TCF23: variants seen among roughly 807,000 people sequenced by gnomAD.
The protein encoded by TCF23 is class A basic helix-loop-helix protein 24.
A neutral mutation model predicts 13.0 loss-of-function variants in TCF23; 7 were observed. The ratio of observed to expected loss-of-function variants is 0.54; its 90% CI spans 0.31 to 1.01. The LOEUF is 1.01. TCF23 is among the 50% of genes least tolerant of loss of function. The probability of loss-of-function intolerance (pLI) is 0.06; values close to 1 mark genes in which losing one functional copy is unlikely to be tolerated. For synonymous variants in TCF23, 122 were observed against 119.5 expected (o/e 1.02, Z -0.14); for missense variants, 257 against 289.8 (o/e 0.89, Z 0.82).
In TCF23 at chr2:27,149,999, G is replaced by A. The variant is rs1013138483; in HGVS notation, c.223-124G>A. 7 of 1,462,426 alleles carry A rather than the reference G, an allele frequency of 4.8e-6. No homozygotes were observed. In the African/African-American group the frequency reaches 9.8e-5, roughly 20 times the overall value. 90.6% of individuals were successfully genotyped at this position (1,462,426 alleles called of 1,614,324 possible). On this transcript the variant is annotated intron_variant, in intron 1 of 2. Transcript: ENST00000296096. ...CTGCAGATGACGTAGGTGGGCAGAG[G>A]CCCTCTGGTGCCTACTGCTAGACAC...
Position 27,150,810 on chromosome 2 carries a change from C to T in TCF23, c.465+445C>T, listed in dbSNP as rs1299603091. ...CCAGGAGAACAACGGTCTGAGGGAC[C>T]GTCATTCTAGAAGCAACCAAGCTGG... On this transcript the variant is annotated intron_variant, in intron 2 of 2. Coordinates refer to ENST00000296096, the MANE Select transcript of TCF23 (RefSeq NM_175769.3). The surrounding 1 kb of genome is among the most constrained non-coding windows in gnomAD (Gnocchi z 4.1). Among the ~76,000 whole-genome samples the T allele has an allele frequency of 2.6e-5, 4 of 152,216 alleles. No individual in the cohort carries two copies. In the East Asian group the frequency reaches 5.8e-4, roughly 22 times the overall value.
Position 27,149,903 on chromosome 2 carries a change from T to C in TCF23, c.223-220T>C, listed in dbSNP as rs533518946. The C allele has an allele frequency of 2.8e-5, 20 of 702,614 alleles. No individual in the cohort carries two copies. The East Asian group carries it at 5.4e-4, about 19-fold the overall frequency. The allele number at this position is 702,614 out of a possible 1,614,324, so 43.5% of individuals were successfully genotyped here. ...GGACTCTGGGTTCTGAGCCAAGCTC[T>C]GCCATCCTGCAGCCATCTGACCCCT... On this transcript the variant is annotated intron_variant, in intron 1 of 2. Coordinates refer to ENST00000296096, the MANE Select transcript of TCF23 (RefSeq NM_175769.3).
In TCF23 at chr2:27,149,075, C is replaced by T; in HGVS notation, c.-59C>T. ...CCAGCCACAGCCAGCTAGCTTGAGT[C>T]CAAGGCCTCCTCAGGCACTGTGTTT... On this transcript the variant is annotated 5_prime_UTR_variant, in exon 1 of 3. Transcript: ENST00000296096. 2.0e-6 allele frequency: 3 copies of T among 1,490,376 alleles called. No homozygotes were observed. Among genetic ancestry groups the T allele is most frequent in the Non-Finnish European group, 2.7e-6 (3 of 1,102,144 alleles). The allele number at this position is 1,490,376 out of a possible 1,614,324, so 92.3% of individuals were successfully genotyped here.
At chr2:27,149,477 C>G (rs1672726720) in intron 1 of TCF23, 122 bp downstream of exon 1, 4 of 971,764 alleles carry the variant, frequency 4.1e-6, no homozygotes, top group East Asian at 2.6e-5. Context: ...AGAGGGGACA[C>G]TGGCCCCTTA....
rs1672829541 is a variant in TCF23 at position 27,155,955 on chromosome 2, A to G, written c.*3088A>G. ...GATTGGGATGGAGGTGGAGGTGGGG[A>G]ACAAGACTTCCCTGCTGGCTCCCTC... On this transcript the variant is annotated 3_prime_UTR_variant, in exon 3 of 3. Coordinates refer to ENST00000296096, the MANE Select transcript of TCF23 (RefSeq NM_175769.3). 6.6e-6 allele frequency: 1 copy of G among 152,136 alleles called. No individual in the cohort carries two copies. The highest frequency in any genetic ancestry group is 6.6e-5 in the Admixed American group (1 of 15,238). 9.4% of individuals were successfully genotyped at this position (152,136 alleles called of 1,614,324 possible). A position where few individuals can be genotyped will look rare whatever the true frequency, so the allele number is the denominator to read the frequency against.
intron 2 of TCF23, among the ~76,000 whole-genome samples, chr2:27,151,141 G>A (rs1275509): frequency 0.51 from 78,079 of 151,770 alleles, 21,394 homozygotes; most frequent in East Asian, 0.68. Context: ...GGGAGGTTAT[G>A]AGGCTGAAAG....
chr2:27,149,047 T>A lies in TCF23; in HGVS notation c.-87T>A. ...TCGGATGTAGATATTGCTGGCTGGA[T>A]GACCAGCCACAGCCAGCTAGCTTGA... On this transcript the variant is annotated 5_prime_UTR_variant, in exon 1 of 3. It removes an upstream start codon present in the reference 5' UTR. Transcript: ENST00000296096. 7.8e-7 allele frequency: 1 copy of A among 1,278,084 alleles called. No individual in the cohort carries two copies. The highest frequency in any genetic ancestry group is 1.4e-5 in the South Asian group (1 of 69,536). 79.2% of individuals were successfully genotyped at this position (1,278,084 alleles called of 1,614,324 possible).
At position 27,149,370 on chromosome 2, in the gene TCF23, C is replaced by T. The variant is rs1381169143; in HGVS notation, c.222+15C>T. On this transcript the variant is annotated intron_variant, in intron 1 of 2. Coordinates refer to ENST00000296096, the MANE Select transcript of TCF23 (RefSeq NM_175769.3). ...CTCTTGGCAGGGTAAGGAAATCCTG[C>T]ACCTGCAGAGGGGTCCAGGGGAGGA... 11 of 1,562,180 alleles carry T rather than the reference C, an allele frequency of 7.0e-6. No homozygotes were observed. The Admixed American group carries it at 1.3e-4, about 19-fold the overall frequency.
chr2:27,149,496 G>A, intron 1 of TCF23, 141 bp downstream of exon 1: 3 of 813,260 alleles, frequency 3.7e-6, no homozygotes, highest in Non-Finnish European at 5.9e-6. Context: ...TAGACTCCAA[G>A]GCATCATGCT....
Position 27,150,125 on chromosome 2 carries a change from C to T in TCF23, c.225C>T (p.Ser75=), listed in dbSNP as rs777045932. Residue 75 remains serine, a splice_region_variant and synonymous_variant, in exon 2 of 3, where the codon AGC becomes AGT. Transcript: ENST00000296096. This position sits in a 1 kb window ranked among gnomAD's most constrained non-coding sequence, Gnocchi z 4.1. ...TRAGGLALGR[S]EASPENAARE... ...ACTCACTGGGGCCCTCTGTGCAGAG[C>T]GAGGCCAGTCCTGAGAATGCCGCGC... The T allele has an allele frequency of 9.4e-6, 15 of 1,600,950 alleles. No individual in the cohort carries two copies. The highest frequency in any genetic ancestry group is 4.4e-5 in the South Asian group (4 of 90,822).
chr2:27,152,600 G>C, intron 2 of TCF23, 88 bp from the exon 3 acceptor site: 2 of 1,502,012 alleles, frequency 1.3e-6, no homozygotes, highest in East Asian at 4.6e-5. Flanking sequence ...AGGGATGCTG[G>C]AGAAGGCTGG....
rs1396307252 is a variant in TCF23, at chr2:27,150,076, C to A, written c.223-47C>A. 3 of 1,569,060 alleles carry A rather than the reference C, an allele frequency of 1.9e-6. No individual in the cohort carries two copies. Among genetic ancestry groups the A allele is most frequent in the Non-Finnish European group, 1.7e-6 (2 of 1,159,572 alleles). On this transcript the variant is annotated intron_variant, in intron 1 of 2. Coordinates refer to ENST00000296096, the MANE Select transcript of TCF23 (RefSeq NM_175769.3). The surrounding 1 kb of genome is among the most constrained non-coding windows in gnomAD (Gnocchi z 4.1). ...GCTCAAACGCTCTCAGAAGTCAGGG[C>A]AGTTGGGAGTCCAGGTCACACACAC...
intron 2 of TCF23, among the ~76,000 whole-genome samples, chr2:27,151,810 C>CT (rs888889908): frequency 9.7e-4 from 138 of 142,510 alleles, no homozygotes; most frequent in Middle Eastern, 3.6e-3. Flanking sequence ...TTTTTTTTTT[C>CT]TTTTTTTTTT....
chr2:27,150,826 A>T lies in TCF23; in HGVS notation c.465+461A>T, dbSNP rs1672751176. 6.6e-6 allele frequency among the ~76,000 whole-genome samples: 1 copy of T among 152,126 alleles called. No individual in the cohort carries two copies. Among genetic ancestry groups the T allele is most frequent in the African/African-American group, 2.4e-5 (1 of 41,442 alleles). ...CTGAGGGACCGTCATTCTAGAAGCA[A>T]CCAAGCTGGGGGAGTTAGCAGGCAG... On this transcript the variant is annotated intron_variant, in intron 2 of 2. Transcript: ENST00000296096. This position sits in a 1 kb window ranked among gnomAD's most constrained non-coding sequence, Gnocchi z 4.1.
rs1464726379 is a variant in TCF23, at chr2:27,150,658, C to T, written c.465+293C>T. 6.6e-6 allele frequency among the ~76,000 whole-genome samples: 1 copy of T among 152,022 alleles called. No individual in the cohort carries two copies. The highest frequency in any genetic ancestry group is 2.4e-5 in the African/African-American group (1 of 41,396). ...CTTAGAGTCACAGGGAAAAATGTAGCAGGTTCCAAGTCTGGGGCCTGGGAA... is the reference window on the plus strand; with the variant it reads ...CTTAGAGTCACAGGGAAAAATGTAGTAGGTTCCAAGTCTGGGGCCTGGGAA... On this transcript the variant is annotated intron_variant, in intron 2 of 2. Transcript: ENST00000296096. This position sits in a 1 kb window ranked among gnomAD's most constrained non-coding sequence, Gnocchi z 4.1.
chr2:27,149,481 C>A, intron 1 of TCF23, 126 bp downstream of exon 1: 2 of 903,334 alleles, frequency 2.2e-6, no homozygotes, highest in Non-Finnish European at 3.4e-6. Flanking sequence ...GGGACACTGG[C>A]CCCTTAGACT....
In TCF23 at chr2:27,150,235, T is replaced by A. The variant is rs1672740361; in HGVS notation, c.335T>A (p.Leu112His). Residue 112 changes from leucine to histidine, a missense_variant, in exon 2 of 3, where the codon CTC becomes CAC. Transcript: ENST00000296096. This position sits in a 1 kb window ranked among gnomAD's most constrained non-coding sequence, Gnocchi z 4.1. ...ALPAVPPDTKLSKLDVLVLAA... is the reference protein window; with the variant it reads ...ALPAVPPDTKHSKLDVLVLAA... ...CCTGCCGTGCCGCCCGACACCAAGC[T>A]CTCCAAGTTGGACGTGCTGGTGCTC... 1 of 1,613,342 alleles carries A rather than the reference T, an allele frequency of 6.2e-7. No homozygotes were observed. The highest frequency in any genetic ancestry group is 1.1e-5 in the South Asian group (1 of 91,072).
rs768339806 is a variant in TCF23 at position 27,150,380 on chromosome 2, C to T, written c.465+15C>T. 6.2e-7 allele frequency: 1 copy of T among 1,607,380 alleles called. No individual in the cohort carries two copies. Among genetic ancestry groups the T allele is most frequent in the Non-Finnish European group, 8.5e-7 (1 of 1,175,024 alleles). On this transcript the variant is annotated intron_variant, in intron 2 of 2. Transcript: ENST00000296096. This position sits in a 1 kb window ranked among gnomAD's most constrained non-coding sequence, Gnocchi z 4.1. ...ACCCTCTCAAGGTAAGTCACAAGCC[C>T]TGGGACTTGAGAGGCGGATCTTAAT...
rs1672820770 is a variant in TCF23, at chr2:27,155,303, G to A, written c.*2436G>A. 1 of 152,450 alleles carries A rather than the reference G, an allele frequency of 6.6e-6. No homozygotes were observed. Among genetic ancestry groups the A allele is most frequent in the Non-Finnish European group, 1.5e-5 (1 of 68,234 alleles). The allele number at this position is 152,450 out of a possible 1,614,324, so 9.4% of individuals were successfully genotyped here. On this transcript the variant is annotated 3_prime_UTR_variant, in exon 3 of 3. Coordinates refer to ENST00000296096, the MANE Select transcript of TCF23 (RefSeq NM_175769.3). ...CCTGGCAGGGGGCAGGGTGAGCCAA[G>A]GGAAGGCCTAGGGGATGGATGGGAA...
Sources: gnomAD v4.1 joint callset for allele counts (sites outside exome capture counted in the v4.1 genomes callset) on GRCh38, gnomAD v4.1.1 for gene constraint, Gnocchi (gnomAD v3.1) non-coding constraint, MANE v1.5 for transcripts, NCBI Gene and HGNC (gene_info 2026-07-23, HGNC 2026-07-21) for gene names.